The following VWA8 variants were observed in gnomAD, a reference collection of about 807,000 sequenced individuals.
The protein encoded by VWA8 is von Willebrand factor A domain containing 8.
VWA8 carries 221 observed loss-of-function variants against 241.5 expected under a neutral mutation model. The ratio of observed to expected loss-of-function variants is 0.91; its 90% confidence interval spans 0.82 to 1.02. The LOEUF is 1.02. Among genes scored for constraint, VWA8 ranks in the 50% least tolerant of loss-of-function variants. The pLI is 0.00. For missense variants in VWA8, 2,322 were observed against 2,328.7 expected, an observed-to-expected ratio of 1.00 and a Z score of 0.06; for synonymous variants, 852 against 827.1, an observed-to-expected ratio of 1.03 and a Z score of -0.52.
chr13:41,816,891 C>A (rs897497437), intron 15 of VWA8, 116 bp from the exon 16 acceptor site: 26 of 822,066 alleles, frequency 3.2e-5, no homozygotes, highest in Non-Finnish European at 4.6e-5. Context: ...TTAGAAAAGT[C>A]ATTCATTGTT....
chr13:41,637,127 G>A (rs1274164138), intron 37 of VWA8, among the ~76,000 whole-genome samples: 2 of 151,490 alleles, frequency 1.3e-5, no homozygotes, highest in Admixed American at 6.6e-5. Flanking sequence ...TATGTTTATT[G>A]CGGCACTATT....
intron 24 of VWA8, among the ~76,000 whole-genome samples, chr13:41,723,664 C>CA (rs1310707346): frequency 6.6e-6 from 1 of 151,592 alleles, no homozygotes. Flanking sequence ...AAGAGAGAAA[C>CA]AAAAAATGAA....
At position 41,832,546 on chromosome 13, in the gene VWA8, T is replaced by C. The variant is rs1018296423; in HGVS notation, c.1586+825A>G. 3.3e-5 allele frequency among the ~76,000 whole-genome samples: 5 copies of C among 151,818 alleles called. No individual in the cohort carries two copies. The South Asian group carries it at 1.0e-3, about 32-fold the overall frequency. ...ATTTAGAATTTTTAATTACATTCAG[T>C]ATCTGCATCACATCAAGAAAAAAAA... is the stretch of plus-strand genomic sequence containing the variant. On this transcript the variant is annotated intron_variant, in intron 13 of 44. Coordinates refer to ENST00000379310, the MANE Select transcript of VWA8 (RefSeq NM_015058.2).
At chr13:41,584,694 A>T (rs2139643136) in intron 42 of VWA8, among the ~76,000 whole-genome samples, 1 of 152,276 alleles carries the variant, frequency 6.6e-6, no homozygotes, top group Non-Finnish European at 1.5e-5. Context: ...AAGGCCTGAA[A>T]AATTTATTTT....
chr13:41,611,705 C>A lies in VWA8; in HGVS notation c.4748G>T (p.Gly1583Val), dbSNP rs566787660. 3.1e-6 allele frequency: 5 copies of A among 1,613,998 alleles called. No homozygotes were observed. The South Asian group carries it at 3.3e-5, about 11-fold the overall frequency. The change falls in exon 39 of 45, where the codon GGC (glycine) becomes GTC (valine). Residue 1583 changes from glycine to valine, a missense_variant. Gly to Val is a moderately radical substitution (Grantham distance 109). Coordinates refer to ENST00000379310, the MANE Select transcript of VWA8 (RefSeq NM_015058.2). ...TGGRDTAGLG[G>V]KGGPYRLDAG... ...ATCCAGCCGGTAAGGGCCTCCTTTG[C>A]CACCCAGGCCTGCCGTGTCTCTTCC...
At chr13:41,861,753 T>C (rs752947758) in intron 12 of VWA8, among the ~76,000 whole-genome samples, 1 of 152,010 alleles carries the variant, frequency 6.6e-6, no homozygotes, top group Non-Finnish European at 1.5e-5. Flanking sequence ...AAGTAAAAGA[T>C]CTTTTCTCTG....
intron 12 of VWA8, among the ~76,000 whole-genome samples, chr13:41,862,841 T>C (rs1253476332): frequency 6.6e-6 from 1 of 152,232 alleles, no homozygotes; most frequent in Admixed American, 6.5e-5. Context: ...TGTAAATTAG[T>C]TCAGCCACTG....
At chr13:41,639,453 T>C (rs1238601729) in intron 37 of VWA8, among the ~76,000 whole-genome samples, 3 of 152,190 alleles carry the variant, frequency 2.0e-5, no homozygotes, top group Non-Finnish European at 4.4e-5. Context: ...CCTTTCCATA[T>C]TGTCCTTTGT....
chr13:41,688,246 C>CT (rs1268275880), intron 34 of VWA8, among the ~76,000 whole-genome samples: 224 of 152,124 alleles, frequency 1.5e-3, no homozygotes, highest in African/African-American at 5.2e-3. Context: ...TCCTGAAGTA[C>CT]CCAGCATTCA....
intron 12 of VWA8, among the ~76,000 whole-genome samples, chr13:41,835,982 A>C (rs1475925344): frequency 6.6e-6 from 1 of 152,186 alleles, no homozygotes; most frequent in Non-Finnish European, 1.5e-5. Flanking sequence ...CTTTTGAAAC[A>C]TATATAAACT....
intron 17 of VWA8, among the ~76,000 whole-genome samples, chr13:41,792,505 T>A (rs1322420450): frequency 6.6e-6 from 1 of 152,002 alleles, no homozygotes; most frequent in Non-Finnish European, 1.5e-5. Flanking sequence ...CATACTATTA[T>A]AATGAATACA....
At chr13:41,920,572 A>C (rs1266569264) in intron 2 of VWA8, among the ~76,000 whole-genome samples, 1 of 152,124 alleles carries the variant, frequency 6.6e-6, no homozygotes, top group South Asian at 2.1e-4. Context: ...AGAGAGAAGA[A>C]TCAAATAGAT....
intron 37 of VWA8, among the ~76,000 whole-genome samples, chr13:41,664,197 T>C (rs892513900): frequency 6.6e-6 from 1 of 152,142 alleles, no homozygotes; most frequent in Non-Finnish European, 1.5e-5. Context: ...TGGCTGGATA[T>C]AAATTCTAGC....
intron 2 of VWA8, among the ~76,000 whole-genome samples, chr13:41,914,814 A>C (rs993058277): frequency 5.9e-5 from 9 of 152,180 alleles, no homozygotes; most frequent in African/African-American, 2.2e-4. Flanking sequence ...TTAAAATCCA[A>C]AATTTGTAAA....
intron 2 of VWA8, among the ~76,000 whole-genome samples, chr13:41,927,609 G>C (rs1388164480): frequency 6.7e-6 from 1 of 149,772 alleles, no homozygotes. Context: ...AAGTATAGCA[G>C]ATACAAAAAC....
At chr13:41,624,215 T>C (rs1245083190) in intron 37 of VWA8, among the ~76,000 whole-genome samples, 2 of 152,116 alleles carry the variant, frequency 1.3e-5, no homozygotes, top group East Asian at 3.8e-4. Context: ...CTGGACCAGA[T>C]GGATTCACAG....
At chr13:41,830,116 G>A (rs1211099960) in intron 14 of VWA8, among the ~76,000 whole-genome samples, 2 of 151,506 alleles carry the variant, frequency 1.3e-5, no homozygotes. Flanking sequence ...AGTGGCGGGC[G>A]CCTGTGTTCC....
At chr13:41,574,412 G>C (rs893595358) in intron 43 of VWA8, among the ~76,000 whole-genome samples, 1 of 148,538 alleles carries the variant, frequency 6.7e-6, no homozygotes, top group Non-Finnish European at 1.5e-5. Flanking sequence ...ACTGATGAAA[G>C]AAATCATAGA....
intron 2 of VWA8, among the ~76,000 whole-genome samples, chr13:41,947,137 G>C (rs907413996): frequency 3.3e-5 from 5 of 152,168 alleles, no homozygotes; most frequent in Non-Finnish European, 7.3e-5. Context: ...TGCTGCATTG[G>C]GGGTTGAGCC....
Sources: allele counts gnomAD v4.1 joint callset (sites outside exome capture counted in the v4.1 genomes callset), GRCh38; gene constraint gnomAD v4.1.1; transcripts MANE v1.5; gene names NCBI Gene and HGNC (gene_info 2026-07-23, HGNC 2026-07-21).